The following DENND2B variants were observed in gnomAD, a reference collection of about 807,000 sequenced individuals.
The protein encoded by DENND2B is DENN domain containing 2B.
Under a neutral mutation model 116.0 loss-of-function variants are expected in DENND2B, and 32 were observed. The observed-to-expected ratio is 0.28, with a 90% CI of 0.21 to 0.37. The LOEUF (loss-of-function observed/expected upper bound fraction) is 0.37, where lower values mean the gene tolerates loss of function less well. Ranked by LOEUF, DENND2B falls within the 10% of genes least tolerant of loss-of-function variation. The pLI is 1.00. For synonymous variants in DENND2B, 588 were observed against 583.9 expected, an observed-to-expected ratio of 1.01 and a Z score of -0.10; for missense variants, 1,276 against 1,477.7, an observed-to-expected ratio of 0.86 and a Z score of 2.24.
chr11:8,763,554 G>A (rs1222929057), intron 1 of DENND2B, among the ~76,000 whole-genome samples: 1 of 151,384 alleles, frequency 6.6e-6, no homozygotes, highest in East Asian at 1.9e-4. Flanking sequence ...ACAGCAATGA[G>A]AATGAACATC....
At chr11:8,745,013 GCTCAAGAATC>G (rs1430148978) in intron 2 of DENND2B, among the ~76,000 whole-genome samples, 9 of 151,686 alleles carry the variant, frequency 5.9e-5, no homozygotes, top group African/African-American at 2.2e-4. Context: ...CATCTCCCAG[GCTCAAGAATC>G]CTCCTGCCTT....
At chr11:8,840,979 A>T (rs1056822272) in intron 3 of DENND2B, among the ~76,000 whole-genome samples, 4 of 152,090 alleles carry the variant, frequency 2.6e-5, no homozygotes, top group Admixed American at 6.6e-5. Flanking sequence ...CTGTGATTTT[A>T]AAAGAAAAAG....
At chr11:8,694,450 G>A (rs757601515) in intron 19 of DENND2B, 2 of 451,530 alleles carry the variant, frequency 4.4e-6, no homozygotes, top group East Asian at 5.3e-5. Flanking sequence ...AAGGGCACTC[G>A]CACTGCTGTG....
intron 4 of DENND2B, among the ~76,000 whole-genome samples, chr11:8,833,574 G>A (rs867964900): frequency 1.3e-5 from 2 of 151,988 alleles, no homozygotes; most frequent in African/African-American, 2.4e-5. Context: ...AGCTTTGTTC[G>A]GGAAGCCAAA....
At chr11:8,697,390 G>A (rs958244060) in intron 17 of DENND2B, 135 bp downstream of exon 17, 3 of 657,932 alleles carry the variant, frequency 4.6e-6, no homozygotes, top group South Asian at 1.9e-5. Context: ...TAGAAAAGAC[G>A]CTAGAGTGAG....
At chr11:8,709,606 C>G (rs1341790531) in intron 11 of DENND2B, among the ~76,000 whole-genome samples, 2 of 152,188 alleles carry the variant, frequency 1.3e-5, no homozygotes, top group Non-Finnish European at 2.9e-5. Flanking sequence ...GGCATTCTAC[C>G]TCCCCACGCC....
intron 2 of DENND2B, among the ~76,000 whole-genome samples, chr11:8,859,268 A>G (rs1460921704): frequency 1.3e-5 from 2 of 151,726 alleles, no homozygotes; most frequent in Non-Finnish European, 2.9e-5. Context: ...GGCTTGGCAT[A>G]GGGTTAGATA....
At chr11:8,813,796 T>C (rs192364966), upstream of DENND2B, among the ~76,000 whole-genome samples, 6 of 152,106 alleles carry the variant, frequency 3.9e-5, no homozygotes, top group African/African-American at 7.2e-5. Flanking sequence ...GGAGGTTCCT[T>C]AGGGCCTTGT....
chr11:8,903,507 G>T (rs992618312), intron 1 of DENND2B, among the ~76,000 whole-genome samples: 2 of 149,046 alleles, frequency 1.3e-5, no homozygotes, highest in African/African-American at 4.9e-5. Flanking sequence ...GAGAGAGAAG[G>T]CACAGATTAC....
rs913601282 is a variant in DENND2B at position 8,881,024 on chromosome 11, C to G, written c.-170G>C. 22 of 152,092 alleles carry G rather than the reference C, an allele frequency of 1.4e-4. 1 individual carries two copies. The highest frequency in any genetic ancestry group is 1.5e-5 in the Non-Finnish European group (1 of 68,030). The allele number at this position is 152,092 out of a possible 1,614,324, so 9.4% of individuals were successfully genotyped here. Reference sequence around the variant, plus strand: ...ACGACCCTTACCCATGTTGAATCTCCTGTTTCCTTCATCTCATGTCTTCCT... The same window carrying G: ...ACGACCCTTACCCATGTTGAATCTCGTGTTTCCTTCATCTCATGTCTTCCT... On this transcript the variant is annotated 5_prime_UTR_variant, in exon 2 of 23. Transcript: ENST00000534127.
At chr11:8,718,650 T>C in intron 4 of DENND2B, 1 of 1,278,952 alleles carries the variant, frequency 7.8e-7, no homozygotes, top group Non-Finnish European at 9.9e-7. Flanking sequence ...ACAGGGGAGG[T>C]GTGAAAGGCT....
intron 2 of DENND2B, among the ~76,000 whole-genome samples, chr11:8,863,728 C>T (rs2063486107): frequency 6.6e-6 from 1 of 152,186 alleles, no homozygotes; most frequent in South Asian, 2.1e-4. Context: ...TGTTAACCCA[C>T]AGCACCAAAT....
chr11:8,762,723 G>T (rs1459761969), intron 1 of DENND2B, among the ~76,000 whole-genome samples: 1 of 152,108 alleles, frequency 6.6e-6, no homozygotes, highest in African/African-American at 2.4e-5. Flanking sequence ...AGCCAGGCGT[G>T]GTGGCGCATG....
intron 1 of DENND2B, among the ~76,000 whole-genome samples, chr11:8,902,249 C>G (rs1295920371): frequency 6.6e-6 from 1 of 151,636 alleles, no homozygotes; most frequent in East Asian, 1.9e-4. Flanking sequence ...TCACTTGAAC[C>G]CAGGAGGCAG....
chr11:8,866,534 G>A (rs141249206), intron 2 of DENND2B, among the ~76,000 whole-genome samples: 66 of 152,286 alleles, frequency 4.3e-4, no homozygotes, highest in African/African-American at 1.3e-3. Flanking sequence ...CTGGAGGAAT[G>A]ACCACATAAC....
At chr11:8,847,836 A>C (rs555885787) in intron 3 of DENND2B, among the ~76,000 whole-genome samples, 1 of 152,360 alleles carries the variant, frequency 6.6e-6, no homozygotes, top group Non-Finnish European at 1.5e-5. Flanking sequence ...TTTTTCAATA[A>C]AAGATTCAAA....
upstream of DENND2B, among the ~76,000 whole-genome samples, chr11:8,872,792 G>A (rs1164259428): frequency 6.6e-6 from 1 of 152,134 alleles, no homozygotes; most frequent in Non-Finnish European, 1.5e-5. Flanking sequence ...CTGTTGTTGA[G>A]GCACATTGAA....
chr11:8,745,739 C>T (rs2051120852), intron 2 of DENND2B, among the ~76,000 whole-genome samples: 2 of 152,220 alleles, frequency 1.3e-5, no homozygotes, highest in Admixed American at 6.5e-5. Flanking sequence ...GATTCTTACT[C>T]TTGGAACCCA....
chr11:8,770,335 C>T (rs1232371097), intron 1 of DENND2B, among the ~76,000 whole-genome samples: 1 of 152,180 alleles, frequency 6.6e-6, no homozygotes, highest in African/African-American at 2.4e-5. Flanking sequence ...AAGCATCTTG[C>T]CCTCGGTTCA....
Sources: gnomAD v4.1 joint callset for allele counts (sites outside exome capture counted in the v4.1 genomes callset) on GRCh38, gnomAD v4.1.1 for gene constraint, MANE v1.5 for transcripts, NCBI Gene and HGNC (gene_info 2026-07-23, HGNC 2026-07-21) for gene names.